Variants in SIPA1L1 observed in about 807,000 individuals in gnomAD.
The protein encoded by SIPA1L1 is signal induced proliferation associated 1 like 1, also known as signal-induced proliferation-associated 1-like protein 1.
Under a neutral mutation model 162.7 loss-of-function variants are expected in SIPA1L1, and 26 were observed. The ratio of observed to expected loss-of-function variants is 0.16; its 90% CI spans 0.12 to 0.22. The LOEUF (loss-of-function observed/expected upper bound fraction) is 0.22. Among genes scored for constraint, SIPA1L1 ranks in the 10% least tolerant of loss-of-function variants. The pLI, the probability that SIPA1L1 is intolerant of heterozygous loss-of-function variation, is 1.00. For synonymous variants in SIPA1L1, 829 were observed against 837.4 expected (o/e 0.99, Z 0.17); for missense variants, 1,874 against 2,241.0 (o/e 0.84, Z 3.31).
intron 2 of SIPA1L1, among the ~76,000 whole-genome samples, chr14:71,385,686 C>CTTTTTTT (rs532140419): frequency 8.9e-6 from 1 of 112,414 alleles, no homozygotes; most frequent in Non-Finnish European, 1.8e-5. Context: ...TTTGTACATT[C>CTTTTTTT]TTTTTTTTTT....
At chr14:71,717,187 T>G (rs1259842218) in intron 17 of SIPA1L1, among the ~76,000 whole-genome samples, 1 of 152,194 alleles carries the variant, frequency 6.6e-6, no homozygotes. Context: ...TGTGAGCCAC[T>G]GCGCCCGACC....
intron 2 of SIPA1L1, among the ~76,000 whole-genome samples, chr14:71,421,719 T>C (rs2043198888): frequency 6.6e-6 from 1 of 152,232 alleles, no homozygotes; most frequent in South Asian, 2.1e-4. Flanking sequence ...CTTTCTTTTT[T>C]ATTCCAGTAG....
intron 2 of SIPA1L1, among the ~76,000 whole-genome samples, chr14:71,420,783 A>G (rs1423271862): frequency 6.6e-6 from 1 of 152,038 alleles, no homozygotes; most frequent in Non-Finnish European, 1.5e-5. Flanking sequence ...ACTTATAAAT[A>G]CTTCAGTCAT....
chr14:71,360,995 G>T (rs931014115), intron 2 of SIPA1L1, among the ~76,000 whole-genome samples: 5 of 152,052 alleles, frequency 3.3e-5, no homozygotes, highest in Admixed American at 2.0e-4. Context: ...AAAGAGAGAT[G>T]ATTTGTATAT....
At chr14:71,408,964 G>A (rs1199757103) in intron 2 of SIPA1L1, among the ~76,000 whole-genome samples, 1 of 152,108 alleles carries the variant, frequency 6.6e-6, no homozygotes, top group Non-Finnish European at 1.5e-5. Context: ...TCATGGTTTG[G>A]TGAGGCTCAG....
chr14:71,703,633 A>G (rs1260456314), intron 15 of SIPA1L1, among the ~76,000 whole-genome samples: 1 of 152,170 alleles, frequency 6.6e-6, no homozygotes, highest in Non-Finnish European at 1.5e-5. Flanking sequence ...TTTAAATCCC[A>G]TATGTTTTGA....
At chr14:71,453,649 T>G (rs1264688270) in intron 2 of SIPA1L1, among the ~76,000 whole-genome samples, 2 of 152,196 alleles carry the variant, frequency 1.3e-5, no homozygotes, top group African/African-American at 2.4e-5. Flanking sequence ...CTAAATTTTC[T>G]TTGATCATGA....
At position 71,672,383 on chromosome 14, in the gene SIPA1L1, T is replaced by A; in HGVS notation, c.2865T>A (p.Thr955=). The A allele has an allele frequency of 6.2e-7, 1 of 1,614,242 alleles. No individual in the cohort carries two copies. Among genetic ancestry groups the A allele is most frequent in the Non-Finnish European group, 8.5e-7 (1 of 1,180,040 alleles). The part of the protein sequence containing the change: ...VSKGCESVEM[T]LRRNGLGQLG... ...AAGGCTGTGAATCGGTGGAGATGACTCTGCGAAGAAATGGGCTAGGACAGC... is the reference window on the plus strand; with the variant it reads ...AAGGCTGTGAATCGGTGGAGATGACACTGCGAAGAAATGGGCTAGGACAGC... The change falls in exon 12 of 24, where the codon ACT becomes ACA. Residue 955 remains threonine, a synonymous_variant. Coordinates refer to ENST00000381232, the MANE Select transcript of SIPA1L1 (RefSeq NM_001386936.1).
At chr14:71,653,053 T>C (rs1355783064) in intron 8 of SIPA1L1, among the ~76,000 whole-genome samples, 1 of 152,218 alleles carries the variant, frequency 6.6e-6, no homozygotes, top group Non-Finnish European at 1.5e-5. Context: ...AATTTTGTTA[T>C]CTTCTTTAAG....
intron 8 of SIPA1L1, among the ~76,000 whole-genome samples, chr14:71,650,880 C>G (rs906249706): frequency 6.6e-6 from 1 of 152,064 alleles, no homozygotes; most frequent in African/African-American, 2.4e-5. Flanking sequence ...TTTTTGACTT[C>G]CATTAATTCA....
At position 71,563,327 on chromosome 14, in the gene SIPA1L1, G is replaced by A. The variant is rs1298974001; in HGVS notation, c.-302-24244G>A. ...CCTCCTCGTTTTTTTTTTTTAACAC[G>A]ATTTTGTTAAATATCTTCTTTAAAA... On this transcript the variant is annotated intron_variant, in intron 4 of 23. Coordinates refer to ENST00000381232, the MANE Select transcript of SIPA1L1 (RefSeq NM_001386936.1). 2.7e-5 allele frequency among the ~76,000 whole-genome samples: 4 copies of A among 148,302 alleles called. No homozygotes were observed. In the South Asian group the frequency reaches 6.4e-4, roughly 24 times the overall value.
At chr14:71,476,704 G>A (rs1307824951) in intron 2 of SIPA1L1, among the ~76,000 whole-genome samples, 2 of 149,846 alleles carry the variant, frequency 1.3e-5, no homozygotes, top group African/African-American at 5.0e-5. Flanking sequence ...TTGAGATGGA[G>A]TCTAGATCTG....
intron 2 of SIPA1L1, among the ~76,000 whole-genome samples, chr14:71,347,644 C>T (rs1216691732): frequency 6.6e-6 from 1 of 152,120 alleles, no homozygotes; most frequent in African/African-American, 2.4e-5. Context: ...TATTAAGGTC[C>T]CAGTTTCTCC....
At chr14:71,659,477 A>C (rs2043326570) in intron 9 of SIPA1L1, among the ~76,000 whole-genome samples, 1 of 152,236 alleles carries the variant, frequency 6.6e-6, no homozygotes, top group Admixed American at 6.5e-5. Context: ...AACCTGTTTT[A>C]AGATAAACTC....
intron 3 of SIPA1L1, among the ~76,000 whole-genome samples, chr14:71,513,473 G>T (rs1189288424): frequency 2.0e-5 from 3 of 152,050 alleles, no homozygotes; most frequent in African/African-American, 7.2e-5. Context: ...CATGGAAATA[G>T]ATATTGACCG....
intron 11 of SIPA1L1, among the ~76,000 whole-genome samples, chr14:71,671,893 C>G (rs1336977207): frequency 1.4e-5 from 2 of 139,784 alleles, no homozygotes; most frequent in African/African-American, 5.5e-5. Context: ...GGGGAAGACA[C>G]ATTTACTCTG....
At chr14:71,637,640 A>ATTAAT (rs1413950045) in intron 7 of SIPA1L1, among the ~76,000 whole-genome samples, 1 of 152,100 alleles carries the variant, frequency 6.6e-6, no homozygotes, top group Non-Finnish European at 1.5e-5. Context: ...AGGAGGATCA[A>ATTAAT]TTAAGTCCAG....
At chr14:71,554,347 T>TAAAGA (rs10690754) in intron 4 of SIPA1L1, among the ~76,000 whole-genome samples, 1 of 151,754 alleles carries the variant, frequency 6.6e-6, no homozygotes, top group Admixed American at 6.6e-5. Context: ...CAGATGACCT[T>TAAAGA]AAAATCGTGC....
chr14:71,417,613 A>T (rs2042900462), intron 2 of SIPA1L1, among the ~76,000 whole-genome samples: 1 of 151,582 alleles, frequency 6.6e-6, no homozygotes, highest in South Asian at 2.1e-4. Flanking sequence ...GGAGGAGGGA[A>T]AGAAGAGATT....
Sources: allele counts gnomAD v4.1 joint callset (sites outside exome capture counted in the v4.1 genomes callset), GRCh38; gene constraint gnomAD v4.1.1; transcripts MANE v1.5; gene names NCBI Gene and HGNC (gene_info 2026-07-23, HGNC 2026-07-21).